The following CCDC170 variants were observed in gnomAD, a reference collection of about 807,000 sequenced individuals.
CCDC170 encodes the protein coiled-coil domain containing 170.
Under a neutral mutation model 72.6 loss-of-function variants are expected in CCDC170, and 69 were observed. The ratio of observed to expected loss-of-function variants is 0.95; its 90% confidence interval spans 0.78 to 1.16. CCDC170 has a LOEUF of 1.16. Among genes scored for constraint, CCDC170 ranks in the 50% most tolerant of loss-of-function variants. The pLI, the probability that CCDC170 is intolerant of heterozygous loss-of-function variation, is 0.00. For missense variants in CCDC170, 852 were observed against 832.5 expected (o/e 1.02, Z -0.29); for synonymous variants, 300 against 303.9 (o/e 0.99, Z 0.13).
At chr6:151,523,649 G>A (rs1782357749) in intron 1 of CCDC170, among the ~76,000 whole-genome samples, 1 of 149,770 alleles carries the variant, frequency 6.7e-6, no homozygotes, top group Non-Finnish European at 1.5e-5. Context: ...TTGTGCTGTT[G>A]TACTACAGCC....
intron 1 of CCDC170, among the ~76,000 whole-genome samples, chr6:151,513,705 G>T (rs183228500): frequency 2.2e-3 from 337 of 151,048 alleles, no homozygotes; most frequent in African/African-American, 7.9e-3. Flanking sequence ...ATCATTTGAG[G>T]TCAGGGGTTC....
chr6:151,515,174 C>G (rs1280966822), intron 1 of CCDC170, among the ~76,000 whole-genome samples: 1 of 152,218 alleles, frequency 6.6e-6, no homozygotes, highest in Non-Finnish European at 1.5e-5. Context: ...AATGCAAGAG[C>G]CTGGGAGAGA....
chr6:151,586,085 A>T lies in CCDC170; in HGVS notation c.1289A>T (p.Gln430Leu), dbSNP rs1239699722. ...CGAGACAACTTGAATTTTGAGAAACAAAAAGTAATGACCCGAGGGCATGTC... is the reference window on the plus strand; with the variant it reads ...CGAGACAACTTGAATTTTGAGAAACTAAAAGTAATGACCCGAGGGCATGTC... ...VLRDNLNFEKQKYLKFLDQLS... is the reference protein window; with the variant it reads ...VLRDNLNFEKLKYLKFLDQLS... Residue 430 changes from glutamine to leucine, a missense_variant, in exon 7 of 11, where the codon CAA (glutamine) becomes CTA (leucine). Gln to Leu is a moderately radical substitution (Grantham distance 113). Coordinates refer to ENST00000239374, the MANE Select transcript of CCDC170 (RefSeq NM_025059.4). 1 of 1,614,126 alleles carries T rather than the reference A, an allele frequency of 6.2e-7. No individual in the cohort carries two copies. The highest frequency in any genetic ancestry group is 2.2e-5 in the East Asian group (1 of 44,882).
At chr6:151,615,785 T>C in intron 10 of CCDC170, 106 bp downstream of exon 10, 2 of 858,560 alleles carry the variant, frequency 2.3e-6, no homozygotes, top group East Asian at 2.4e-5. Flanking sequence ...AAGTTTGGAC[T>C]GTTTCATGAA....
intron 1 of CCDC170, among the ~76,000 whole-genome samples, chr6:151,503,897 G>A (rs1479879387): frequency 3.9e-5 from 6 of 152,074 alleles, no homozygotes; most frequent in Non-Finnish European, 8.8e-5. Flanking sequence ...ATTGCAGATG[G>A]AACCTTGTGC....
chr6:151,561,910 T>C (rs891881426), intron 5 of CCDC170, among the ~76,000 whole-genome samples: 1 of 152,154 alleles, frequency 6.6e-6, no homozygotes. Flanking sequence ...ACTCTGTTCA[T>C]TTTTAAAATT....
At chr6:151,612,576 G>A (rs1776891081) in intron 9 of CCDC170, among the ~76,000 whole-genome samples, 1 of 152,128 alleles carries the variant, frequency 6.6e-6, no homozygotes, top group Non-Finnish European at 1.5e-5. Context: ...CTGCAGCCTA[G>A]TTAGCATAGA....
intron 3 of CCDC170, among the ~76,000 whole-genome samples, chr6:151,541,429 C>A (rs1203048725): frequency 6.6e-6 from 1 of 152,018 alleles, no homozygotes; most frequent in Non-Finnish European, 1.5e-5. Context: ...CTTGTCCAGG[C>A]TGGCCTAAAA....
chr6:151,527,373 C>T (rs1782427230), intron 1 of CCDC170, among the ~76,000 whole-genome samples: 1 of 152,134 alleles, frequency 6.6e-6, no homozygotes, highest in Admixed American at 6.6e-5. Flanking sequence ...TTTTCTGGAT[C>T]TCACAGCTGC....
intron 9 of CCDC170, among the ~76,000 whole-genome samples, chr6:151,602,280 C>T (rs1776721176): frequency 6.6e-6 from 1 of 152,202 alleles, no homozygotes; most frequent in African/African-American, 2.4e-5. Flanking sequence ...AATTCCCCTA[C>T]CTGTATTGAG....
Position 151,596,356 on chromosome 6 carries a change from C to A in CCDC170, c.1489C>A (p.Leu497Met), listed in dbSNP as rs1028180726. ...QRKLKTQKER[L>M]ESKELHMSLL... ...CCAGCTAAAGACACAGAAAGAGAGACTGGAGAGCAAAGAATTACACATGAG... is the reference window on the plus strand; with the variant it reads ...CCAGCTAAAGACACAGAAAGAGAGAATGGAGAGCAAAGAATTACACATGAG... The change falls in exon 9 of 11, where the codon CTG becomes ATG. Residue 497 changes from leucine (L) to methionine (M), a missense_variant. Coordinates refer to ENST00000239374, the MANE Select transcript of CCDC170 (RefSeq NM_025059.4). 1 of 1,613,356 alleles carries A rather than the reference C, an allele frequency of 6.2e-7. No individual in the cohort carries two copies. Among genetic ancestry groups the A allele is most frequent in the Non-Finnish European group, 8.5e-7 (1 of 1,179,802 alleles).
intron 1 of CCDC170, among the ~76,000 whole-genome samples, chr6:151,528,840 A>AAT (rs1161576407): frequency 7.0e-4 from 106 of 151,886 alleles, no homozygotes; most frequent in African/African-American, 2.2e-3. Context: ...TCTGTCTCAA[A>AAT]ATATATATAT....
intron 1 of CCDC170, among the ~76,000 whole-genome samples, chr6:151,508,876 G>A (rs527514968): frequency 9.2e-5 from 14 of 151,834 alleles, no homozygotes; most frequent in South Asian, 2.1e-4. Flanking sequence ...TTAGCCGGGC[G>A]TGGTGGCGAA....
intron 6 of CCDC170, among the ~76,000 whole-genome samples, chr6:151,574,386 T>C (rs896144782): frequency 1.3e-5 from 2 of 152,216 alleles, no homozygotes; most frequent in Non-Finnish European, 2.9e-5. Flanking sequence ...GGGTAGGTTC[T>C]TGAGTTTACG....
intron 5 of CCDC170, among the ~76,000 whole-genome samples, chr6:151,559,846 A>G (rs7758252): frequency 0.92 from 139,470 of 152,176 alleles, 64,163 homozygotes; most frequent in East Asian, 0.99. Context: ...TTTTTTTCTT[A>G]GTTAACTTGG....
chr6:151,598,932 G>A (rs949804440), intron 9 of CCDC170, among the ~76,000 whole-genome samples: 1 of 152,118 alleles, frequency 6.6e-6, no homozygotes, highest in East Asian at 1.9e-4. Context: ...TAGGCCAGAG[G>A]CACTCATCCC....
At chr6:151,554,971 TG>T (rs1160636861) in intron 5 of CCDC170, among the ~76,000 whole-genome samples, 1 of 143,446 alleles carries the variant, frequency 7.0e-6, no homozygotes, top group Non-Finnish European at 1.5e-5. Context: ...CTCTGCCTCC[TG>T]GGTTCAAATG....
intron 2 of CCDC170, among the ~76,000 whole-genome samples, chr6:151,536,838 T>C (rs1341206095): frequency 1.5e-5 from 2 of 137,114 alleles, no homozygotes; most frequent in Non-Finnish European, 3.1e-5. Context: ...TGATTAGAAA[T>C]AGGACAGTGG....
At chr6:151,563,618 A>G (rs1200851581) in intron 5 of CCDC170, among the ~76,000 whole-genome samples, 2 of 152,100 alleles carry the variant, frequency 1.3e-5, no homozygotes, top group African/African-American at 4.8e-5. Flanking sequence ...CATTACCAGT[A>G]TGGTGCCCAC....
Sources: allele counts gnomAD v4.1 joint callset (sites outside exome capture counted in the v4.1 genomes callset), GRCh38; gene constraint gnomAD v4.1.1; transcripts MANE v1.5; gene names NCBI Gene and HGNC (gene_info 2026-07-23, HGNC 2026-07-21).